Variants in PTPRS observed in about 807,000 individuals in gnomAD.
PTPRS encodes protein tyrosine phosphatase receptor type S, also known as receptor-type tyrosine-protein phosphatase S.
In PTPRS, 63 loss-of-function variants were observed where a neutral mutation model predicts 215.3. The ratio of observed to expected loss-of-function variants is 0.29; its 90% CI spans 0.24 to 0.36. The LOEUF is 0.36. Ranked by LOEUF, PTPRS falls within the 10% of genes least tolerant of loss-of-function variation. The pLI, the probability that PTPRS is intolerant of heterozygous loss-of-function variation, is 1.00. For missense variants in PTPRS, 2,258 were observed against 2,825.8 expected (o/e 0.80, Z 4.56); for synonymous variants, 1,404 against 1,191.4 (o/e 1.18, Z -3.68).
chr19:5,307,952 A>C (rs982910762), intron 1 of PTPRS, among the ~76,000 whole-genome samples: 7 of 152,124 alleles, frequency 4.6e-5, no homozygotes, highest in African/African-American at 1.7e-4. Context: ...GTAGACAGAG[A>C]TCATCCGGCC....
chr19:5,262,146 G>A (rs1206551042), intron 6 of PTPRS, among the ~76,000 whole-genome samples: 1 of 152,152 alleles, frequency 6.6e-6, no homozygotes, highest in Non-Finnish European at 1.5e-5. Flanking sequence ...GTGGTGGTGG[G>A]TGCCTGTAAT....
At position 5,218,485 on chromosome 19, in the gene PTPRS, G is replaced by A; in HGVS notation, c.3983C>T (p.Ala1328Val). ...EPRTKCLLNN[A>V]DLAPHHPKDP... is the part of the protein sequence containing the mutation. Reference sequence around the variant, plus strand: ...CTTGGGGTGGTGAGGGGCGAGGTCGGCATTGTTCAGGAGGCATTTGGTGCG... The same window carrying A: ...CTTGGGGTGGTGAGGGGCGAGGTCGACATTGTTCAGGAGGCATTTGGTGCG... The change falls in exon 25 of 38, where the codon GCC (alanine) becomes GTC (valine). Residue 1328 changes from alanine (A) to valine (V), a missense_variant. Ala to Val is a moderately conservative substitution (Grantham distance 64). This residue lies in a region of PTPRS where 927 missense variants were observed against 1,125.9 expected (regional missense o/e 0.82). Transcript: ENST00000262963. The A allele has an allele frequency of 1.2e-6, 2 of 1,614,148 alleles. No homozygotes were observed. The highest frequency in any genetic ancestry group is 2.2e-5 in the East Asian group (1 of 44,880).
intron 13 of PTPRS, among the ~76,000 whole-genome samples, chr19:5,238,310 G>A (rs915834098): frequency 2.0e-5 from 3 of 152,156 alleles, no homozygotes; most frequent in African/African-American, 7.2e-5. Context: ...GAGAACTCCA[G>A]AGATTTGAGC....
intron 2 of PTPRS, among the ~76,000 whole-genome samples, chr19:5,281,770 C>G (rs1253444809): frequency 1.3e-5 from 2 of 152,202 alleles, no homozygotes; most frequent in African/African-American, 4.8e-5. Context: ...AGGGCAGAAG[C>G]TGGCTGAGGG....
Position 5,214,455 on chromosome 19 carries a change from T to C in PTPRS, c.4520A>G (p.Asn1507Ser), listed in dbSNP as rs928845139. The change falls in exon 30 of 38, where the codon AAC becomes AGC. Residue 1507 changes from asparagine to serine, a missense_variant. Physicochemically the swap from Asn to Ser is conservative, Grantham distance 46 (BLOSUM62 1). Coordinates refer to ENST00000262963, the MANE Select transcript of PTPRS (RefSeq NM_002850.4). ...SRIKCDQYWP[N>S]RGTETYGFIQ... ...GAAGCCGTAGGTCTCCGTGCCTCTG[T>C]TGGGCCAATACTGATCACACTTGAT... 4 of 1,614,016 alleles carry C rather than the reference T, an allele frequency of 2.5e-6. No homozygotes were observed. Among genetic ancestry groups the C allele is most frequent in the African/African-American group, 1.3e-5 (1 of 74,934 alleles).
chr19:5,314,782 A>G (rs190962666), intron 1 of PTPRS, among the ~76,000 whole-genome samples: 119 of 143,534 alleles, frequency 8.3e-4, no homozygotes, highest in Non-Finnish European at 1.5e-3. Flanking sequence ...AGAGAGCTGA[A>G]GATTCGAGAC....
At chr19:5,245,402 C>G (rs1425447279) in intron 10 of PTPRS, among the ~76,000 whole-genome samples, 1 of 152,154 alleles carries the variant, frequency 6.6e-6, no homozygotes, top group Admixed American at 6.5e-5. Context: ...AGTCCTCCTG[C>G]CTCAGCCTCC....
intron 2 of PTPRS, among the ~76,000 whole-genome samples, chr19:5,285,231 G>A (rs1025685524): frequency 2.6e-5 from 4 of 152,172 alleles, no homozygotes; most frequent in African/African-American, 4.8e-5. Flanking sequence ...GCAGAGCCAG[G>A]ATTCAAACCC....
intron 11 of PTPRS, among the ~76,000 whole-genome samples, chr19:5,242,125 C>T (rs558455462): frequency 2.8e-4 from 43 of 152,340 alleles, no homozygotes; most frequent in East Asian, 1.4e-3. Flanking sequence ...TGGGCCACCA[C>T]GCTGAGCCAG....
Position 5,337,482 on chromosome 19 carries a change from A to C in PTPRS, c.-95+3182T>G, listed in dbSNP as rs1003199480. On this transcript the variant is annotated intron_variant, in intron 1 of 37. Coordinates refer to ENST00000262963, the MANE Select transcript of PTPRS (RefSeq NM_002850.4). ...CCGCTGGAATAATCAGCGAAGCCAC[A>C]GGTCTCCCCATCTTGGCAAGTGGAG... Among the ~76,000 whole-genome samples the C allele has an allele frequency of 1.6e-4, 24 of 152,318 alleles. 1 individual carries two copies. The highest frequency in any genetic ancestry group is 1.3e-3 in the Admixed American group (20 of 15,292).
intron 7 of PTPRS, among the ~76,000 whole-genome samples, chr19:5,259,405 A>G (rs2045815083): frequency 6.6e-6 from 1 of 152,212 alleles, no homozygotes; most frequent in Admixed American, 6.5e-5. Context: ...CGAGGCCAAG[A>G]TTTCCCCAAA....
At chr19:5,208,687 C>T (rs914823743) in intron 35 of PTPRS, among the ~76,000 whole-genome samples, 2 of 152,126 alleles carry the variant, frequency 1.3e-5, no homozygotes, top group Non-Finnish European at 2.9e-5. Context: ...TTCATTTACC[C>T]TGACAACTTA....
At chr19:5,255,698 C>T (rs932486456) in intron 9 of PTPRS, among the ~76,000 whole-genome samples, 1 of 152,162 alleles carries the variant, frequency 6.6e-6, no homozygotes, top group Non-Finnish European at 1.5e-5. Context: ...ACCAAACCGA[C>T]AAGAGAGGCA....
chr19:5,212,607 G>A lies in PTPRS; in HGVS notation c.4615-116C>T, dbSNP rs1001114159. On this transcript the variant is annotated intron_variant, in intron 30 of 37. Transcript: ENST00000262963. ...GCCTGTTATCCCAGCACTTTGGGAG[G>A]CCGAGGTGGGCGGATCACCTGAGGT... 8.0e-6 allele frequency: 10 copies of A among 1,248,468 alleles called. No individual in the cohort carries two copies. In the African/African-American group the frequency reaches 1.0e-4, roughly 13 times the overall value. 77.3% of individuals were successfully genotyped at this position (1,248,468 alleles called of 1,614,324 possible).
intron 37 of PTPRS, 32 bp downstream of exon 37, chr19:5,207,890 C>T: frequency 6.2e-7 from 1 of 1,608,724 alleles, no homozygotes; most frequent in Non-Finnish European, 8.5e-7. Flanking sequence ...GGCGTGAGGC[C>T]AGGCTGCCTC....
chr19:5,254,093 C>T (rs1191132386), intron 9 of PTPRS, among the ~76,000 whole-genome samples: 2 of 152,144 alleles, frequency 1.3e-5, no homozygotes, highest in Non-Finnish European at 2.9e-5. Flanking sequence ...TCCAAGTGGT[C>T]TTCAGAGACC....
In PTPRS at chr19:5,286,034, C is replaced by G; in HGVS notation, c.91+16G>C. 1.2e-6 allele frequency: 2 copies of G among 1,609,214 alleles called. No homozygotes were observed. The highest frequency in any genetic ancestry group is 1.7e-6 in the Non-Finnish European group (2 of 1,176,120). On this transcript the variant is annotated intron_variant, in intron 2 of 37. Transcript: ENST00000262963. ...CAAACACGCAGACCCCTGCACATCCCGTGCCGGCTTCTTACCTTCTGCTGC... is the reference window on the plus strand; with the variant it reads ...CAAACACGCAGACCCCTGCACATCCGGTGCCGGCTTCTTACCTTCTGCTGC...
In PTPRS at chr19:5,229,325, C is replaced by G. The variant is rs368655375; in HGVS notation, c.2367G>C (p.Thr789=). ...LADAQWETDD[T]AEYEMVITNL... ...CAGGGGCGCTACTTACATATTCGGC[C>G]GTGTCATCCGTCTCCCACTGAGCGC... The change falls in exon 16 of 38, where the codon ACG becomes ACC. Residue 789 remains threonine (T), a synonymous_variant. Coordinates refer to ENST00000262963, the MANE Select transcript of PTPRS (RefSeq NM_002850.4). 1.1e-5 allele frequency: 15 copies of G among 1,379,010 alleles called. No individual in the cohort carries two copies. The South Asian group carries it at 2.0e-4, about 19-fold the overall frequency. 85.4% of individuals were successfully genotyped at this position (1,379,010 alleles called of 1,614,324 possible).
At chr19:5,296,426 AG>A (rs1459503081) in intron 1 of PTPRS, among the ~76,000 whole-genome samples, 3 of 152,168 alleles carry the variant, frequency 2.0e-5, no homozygotes, top group Non-Finnish European at 4.4e-5. Flanking sequence ...GCTTGAGGCC[AG>A]GAAGTTGAGG....
Sources: gnomAD v4.1 joint callset for allele counts (sites outside exome capture counted in the v4.1 genomes callset) on GRCh38, gnomAD v4.1.1 for gene constraint, gnomAD v4.1.1 regional missense constraint, MANE v1.5 for transcripts, NCBI Gene and HGNC (gene_info 2026-07-23, HGNC 2026-07-21) for gene names.